The following REXO1 variants were observed in gnomAD, a reference collection of about 807,000 sequenced individuals.
REXO1 encodes the protein REX1, RNA exonuclease 1 homolog.
In REXO1, 42 loss-of-function variants were observed where a neutral mutation model predicts 102.6. The observed-to-expected ratio is 0.41, with a 90% CI of 0.32 to 0.53. The LOEUF (loss-of-function observed/expected upper bound fraction) is 0.53. Among genes scored for constraint, REXO1 ranks in the 20% least tolerant of loss-of-function variants. The pLI is 0.27. For missense variants in REXO1, 1,819 were observed against 1,732.5 expected, an observed-to-expected ratio of 1.05 and a Z score of -0.89; for synonymous variants, 908 against 779.1, an observed-to-expected ratio of 1.17 and a Z score of -2.76.
intron 1 of REXO1, among the ~76,000 whole-genome samples, chr19:1,833,136 G>A (rs568748132): frequency 1.3e-5 from 2 of 152,128 alleles, no homozygotes; most frequent in South Asian, 4.1e-4. Context: ...GAGGTGGGAG[G>A]ATCTCTTGAG....
At chr19:1,820,102 C>A in intron 6 of REXO1, 45 bp from the exon 7 acceptor site, 1 of 1,580,858 alleles carries the variant, frequency 6.3e-7, no homozygotes, top group South Asian at 1.2e-5. Flanking sequence ...CTGCCTGGTG[C>A]CGGGGAGCCC....
chr19:1,819,556 C>G (rs2069471275), intron 7 of REXO1, among the ~76,000 whole-genome samples: 2 of 152,228 alleles, frequency 1.3e-5, no homozygotes, highest in African/African-American at 4.8e-5. Flanking sequence ...TAGCTTAATG[C>G]AGCCTGGAGA....
In REXO1 at chr19:1,844,200, A is replaced by G. The variant is rs537455677; in HGVS notation, c.157+4002T>C. 3.3e-5 allele frequency among the ~76,000 whole-genome samples: 5 copies of G among 152,348 alleles called. No homozygotes were observed. The South Asian group carries it at 1.0e-3, about 32-fold the overall frequency. ...GCAGGGCCCCGGCCCACCCACATCC[A>G]ACCCAGCACTGCCAGTTACCAGCCA... is the stretch of plus-strand genomic sequence containing the variant. On this transcript the variant is annotated intron_variant, in intron 1 of 15. Transcript: ENST00000170168.
Position 1,819,005 on chromosome 19 carries a change from G to A in REXO1, c.2764+13C>T. The A allele has an allele frequency of 6.3e-7, 1 of 1,595,482 alleles. No individual in the cohort carries two copies. The highest frequency in any genetic ancestry group is 8.6e-7 in the Non-Finnish European group (1 of 1,169,468). On this transcript the variant is annotated intron_variant, in intron 8 of 15. Coordinates refer to ENST00000170168, the MANE Select transcript of REXO1 (RefSeq NM_020695.4). The stretch of plus-strand genomic sequence containing the variant: ...ACGAAGCACCGTGTGGCAGAGCAGG[G>A]GCAGGGCCTTACCTTTCAGGTCCTC...
chr19:1,845,232 C>T (rs1199031696), intron 1 of REXO1, among the ~76,000 whole-genome samples: 1 of 152,196 alleles, frequency 6.6e-6, no homozygotes, highest in Non-Finnish European at 1.5e-5. Context: ...CGCTCATTCC[C>T]AACTCACAAG....
rs3052937 is a variant in REXO1, at chr19:1,827,021, T to TGGAGGAGGA, written c.1759_1767dup (p.Ser587_Ser589dup). ...TCCACATCCGCCCCCGCGCTGGAGG[T>TGGAGGAGGA]GGAGGAGGAGGAGGAGGAGGAGGAG... is the stretch of plus-strand genomic sequence containing the variant. On this transcript the variant is annotated inframe_insertion, in exon 2 of 16. Coordinates refer to ENST00000170168, the MANE Select transcript of REXO1 (RefSeq NM_020695.4). 513 of 1,384,142 alleles carry TGGAGGAGGA rather than the reference T, an allele frequency of 3.7e-4. No homozygotes were observed. Among genetic ancestry groups the TGGAGGAGGA allele is most frequent in the African/African-American group, 3.6e-3 (239 of 65,902 alleles). The allele number at this position is 1,384,142 out of a possible 1,614,324, so 85.7% of individuals were successfully genotyped here. A position where few individuals can be genotyped will look rare whatever the true frequency, so the allele number is the denominator to read the frequency against.
In REXO1 at chr19:1,816,811, G is replaced by A. The variant is rs777173563; in HGVS notation, c.3204C>T (p.Ser1068=). 4 of 1,610,370 alleles carry A rather than the reference G, an allele frequency of 2.5e-6. No homozygotes were observed. The Admixed American group carries it at 5.0e-5, about 20-fold the overall frequency. Residue 1068 remains serine (S), a splice_region_variant and synonymous_variant, in exon 13 of 16, where the codon TCC becomes TCT. Transcript: ENST00000170168. ...PGIYALDCEM[S]YTTYGLELTR... ...TCAGCTCCAGGCCATATGTGGTGTAGGACTGCGGGCAAGGGATGCACCTCA... is the reference window on the plus strand; with the variant it reads ...TCAGCTCCAGGCCATATGTGGTGTAAGACTGCGGGCAAGGGATGCACCTCA...
chr19:1,844,580 T>G (rs1165069583), intron 1 of REXO1, among the ~76,000 whole-genome samples: 1 of 152,186 alleles, frequency 6.6e-6, no homozygotes, highest in African/African-American at 2.4e-5. Flanking sequence ...GGCTGCTCCC[T>G]GAGCGCCTCT....
chr19:1,825,986 G>T, intron 2 of REXO1, 43 bp from the exon 3 acceptor site: 1 of 1,432,898 alleles, frequency 7.0e-7, no homozygotes, highest in Non-Finnish European at 9.8e-7. Context: ...TGCCCTCGCT[G>T]CCAACACCAA....
Position 1,828,572 on chromosome 19 carries a change from C to A in REXO1, c.217G>T (p.Gly73Cys). The A allele has an allele frequency of 6.2e-7, 1 of 1,604,076 alleles. No individual in the cohort carries two copies. The change falls in exon 2 of 16, where the codon GGC (glycine) becomes TGC (cysteine). Residue 73 changes from glycine to cysteine, a missense_variant. By Grantham distance (159) the Gly-to-Cys change is radical. Coordinates refer to ENST00000170168, the MANE Select transcript of REXO1 (RefSeq NM_020695.4). The part of the protein sequence containing the change: ...LPKPPAQREN[G>C]TLGLGEEPRP... ...GGCTCCTCCCCCAGGCCCAGGGTGC[C>A]ATTCTCCCTCTGCGCGGGGGGCTTG...
In REXO1 at chr19:1,816,100, C is replaced by T; in HGVS notation, c.3632G>A (p.Trp1211Ter). The change falls in exon 16 of 16, where the codon TGG (tryptophan) becomes TAG (stop). Residue 1211 changes from tryptophan to a stop codon, truncating the protein, a stop_gained. Transcript: ENST00000170168. LOFTEE classifies it high-confidence loss of function. ...GGTCTTGGCGTCTTCTCGAACCTTCCAGATCACCAGGTGCATGCAGGCGCC... is the reference window on the plus strand; with the variant it reads ...GGTCTTGGCGTCTTCTCGAACCTTCTAGATCACCAGGTGCATGCAGGCGCC... ...DAGACMHLVI[W>*]KVREDAKTKR 6.5e-7 allele frequency: 1 copy of T among 1,549,078 alleles called. No homozygotes were observed. The highest frequency in any genetic ancestry group is 8.7e-7 in the Non-Finnish European group (1 of 1,146,866).
At chr19:1,818,410 G>C in intron 10 of REXO1, 72 bp downstream of exon 10, 1 of 1,162,090 alleles carries the variant, frequency 8.6e-7, no homozygotes, top group Non-Finnish European at 1.2e-6. Context: ...CCCCAGTTCT[G>C]GGGGCCTCAA....
chr19:1,825,720 C>T, intron 3 of REXO1, 119 bp downstream of exon 3: 1 of 679,120 alleles, frequency 1.5e-6, no homozygotes, highest in Non-Finnish European at 2.5e-6. Flanking sequence ...AGGTGATCCA[C>T]CCGCCTTGGC....
intron 1 of REXO1, among the ~76,000 whole-genome samples, chr19:1,841,853 G>A (rs945504934): frequency 6.6e-6 from 1 of 152,126 alleles, no homozygotes; most frequent in Admixed American, 6.5e-5. Context: ...GGGCAGGGAC[G>A]GTGCTTCTCA....
rs1011780926 is a variant in REXO1 at position 1,826,627 on chromosome 19, C to T, written c.1911+251G>A. Among the ~76,000 whole-genome samples, 3 of 152,088 alleles carry T rather than the reference C, an allele frequency of 2.0e-5. No homozygotes were observed. The highest frequency in any genetic ancestry group is 2.9e-5 in the Non-Finnish European group (2 of 67,938). ...AGTCAGTGGGAACAGACCGTGTGCA[C>T]GTGGCCACAGAAGCCTGGCTGGTGG... On this transcript the variant is annotated intron_variant, in intron 2 of 15. Transcript: ENST00000170168. This position sits in a 1 kb window ranked among gnomAD's most constrained non-coding sequence, Gnocchi z 4.3.
Position 1,823,784 on chromosome 19 carries a change from A to G in REXO1, c.2018T>C (p.Val673Ala). The change falls in exon 4 of 16, where the codon GTG becomes GCG. Residue 673 changes from valine (V) to alanine (A), a missense_variant and splice_region_variant. By Grantham distance (64) the Val-to-Ala change is moderately conservative. Coordinates refer to ENST00000170168, the MANE Select transcript of REXO1 (RefSeq NM_020695.4). ...ISHLSKQGQE[V>A]EPPRRGPAVP... ...CGCGGGACCCCTCCTCGGGGGCTCC[A>G]CCTGCGTCACCACAAATGCTAAGGC... 1 of 1,228,272 alleles carries G rather than the reference A, an allele frequency of 8.1e-7. No homozygotes were observed. Among genetic ancestry groups the G allele is most frequent in the Non-Finnish European group, 1.0e-6 (1 of 973,730 alleles). 76.1% of individuals were successfully genotyped at this position (1,228,272 alleles called of 1,614,324 possible).
rs780306368 is a variant in REXO1, at chr19:1,818,745, C to T, written c.2863G>A (p.Ala955Thr). 8 of 1,610,840 alleles carry T rather than the reference C, an allele frequency of 5.0e-6. No individual in the cohort carries two copies. The highest frequency in any genetic ancestry group is 6.8e-6 in the Non-Finnish European group (8 of 1,179,874). The change falls in exon 9 of 16, where the codon GCA becomes ACA. Residue 955 changes from alanine (A) to threonine (T), a missense_variant. Physicochemically the swap from Ala to Thr is moderately conservative, Grantham distance 58 (BLOSUM62 0). Coordinates refer to ENST00000170168, the MANE Select transcript of REXO1 (RefSeq NM_020695.4). Reference sequence around the variant, plus strand: ...TTCTCCTCAGCTGTGAAGATGATTGCGCCCCCGGGCCGCTCTGGGTGCGGG... The same window carrying T: ...TTCTCCTCAGCTGTGAAGATGATTGTGCCCCCGGGCCGCTCTGGGTGCGGG... ...PFPHPERPGG[A>T]IIFTAEEKRP...
chr19:1,816,592 C>A, intron 13 of REXO1, 23 bp from the exon 14 acceptor site: 1 of 1,600,702 alleles, frequency 6.2e-7, no homozygotes, highest in Non-Finnish European at 8.5e-7. Context: ...GCAGGAGGGG[C>A]ACCAGGGCTC....
chr19:1,832,780 G>A (rs1042340405), intron 1 of REXO1, among the ~76,000 whole-genome samples: 1 of 151,968 alleles, frequency 6.6e-6, no homozygotes, highest in Non-Finnish European at 1.5e-5. Flanking sequence ...GCCAGGCATG[G>A]GGGCGTGCAC....
Sources: allele counts gnomAD v4.1 joint callset (sites outside exome capture counted in the v4.1 genomes callset), GRCh38; gene constraint gnomAD v4.1.1; non-coding constraint Gnocchi (gnomAD v3.1); transcripts MANE v1.5; gene names NCBI Gene and HGNC (gene_info 2026-07-23, HGNC 2026-07-21).